Variants in TBC1D9 observed in about 807,000 individuals in gnomAD.
TBC1D9 encodes the protein TBC1 domain family member 9.
TBC1D9 carries 63 observed loss-of-function variants against 132.0 expected under a neutral mutation model. That is an observed-to-expected ratio of 0.48 (90% CI 0.39 to 0.59). The LOEUF (loss-of-function observed/expected upper bound fraction) is 0.59. Among genes scored for constraint, TBC1D9 ranks in the 20% least tolerant of loss-of-function variants. TBC1D9 has a pLI of 0.00. For synonymous variants in TBC1D9, 610 were observed against 609.9 expected, an observed-to-expected ratio of 1.00 and a Z score of 0.00; for missense variants, 1,261 against 1,592.7, an observed-to-expected ratio of 0.79 and a Z score of 3.54.
chr4:140,627,549 G>A (rs2110964838), intron 17 of TBC1D9, 22 bp from the exon 18 acceptor site: 1 of 1,443,972 alleles, frequency 6.9e-7, no homozygotes, highest in East Asian at 2.3e-5. Context: ...AGGAAACATA[G>A]TTCTCATATT....
intron 2 of TBC1D9, among the ~76,000 whole-genome samples, chr4:140,688,990 T>A (rs1027642661): frequency 2.6e-5 from 4 of 151,974 alleles, no homozygotes; most frequent in Admixed American, 6.6e-5. Context: ...CTGTGCAGAA[T>A]AAATGCCAGC....
intron 5 of TBC1D9, among the ~76,000 whole-genome samples, chr4:140,678,610 C>T (rs1456950193): frequency 1.3e-5 from 2 of 152,146 alleles, no homozygotes; most frequent in South Asian, 2.1e-4. Flanking sequence ...CTTCTATCAC[C>T]TCTTCAGAGC....
intron 2 of TBC1D9, among the ~76,000 whole-genome samples, chr4:140,698,576 C>T (rs940334411): frequency 6.6e-5 from 10 of 151,984 alleles, no homozygotes; most frequent in Middle Eastern, 3.2e-3. Flanking sequence ...GGTAAAACCC[C>T]GTCTCTACTA....
chr4:140,640,286 G>T (rs963795008), intron 13 of TBC1D9, among the ~76,000 whole-genome samples: 11 of 152,060 alleles, frequency 7.2e-5, no homozygotes, highest in African/African-American at 2.7e-4. Flanking sequence ...GGAAGAAAGG[G>T]GAAAGGGAAA....
intron 13 of TBC1D9, chr4:140,643,150 T>A (rs1737035972): frequency 6.9e-7 from 1 of 1,439,772 alleles, no homozygotes; most frequent in Middle Eastern, 2.1e-4. Flanking sequence ...AGCACCTCCC[T>A]CAGCATGTGG....
Position 140,701,619 on chromosome 4 carries a change from G to A in TBC1D9, c.131-5C>T, listed in dbSNP as rs1444081096. On this transcript the variant is annotated splice_region_variant and splice_polypyrimidine_tract_variant and intron_variant, in intron 1 of 20. Coordinates refer to ENST00000442267, the MANE Select transcript of TBC1D9 (RefSeq NM_015130.3). ...CAAGGGTACCCACCAGCAGGCCTGA[G>A]GGTGGAAAGTGGGGAGAAACAGGTA... 1 of 1,612,624 alleles carries A rather than the reference G, an allele frequency of 6.2e-7. No individual in the cohort carries two copies. The highest frequency in any genetic ancestry group is 8.5e-7 in the Non-Finnish European group (1 of 1,178,728).
intron 1 of TBC1D9, among the ~76,000 whole-genome samples, chr4:140,737,627 T>C (rs1738695511): frequency 6.6e-6 from 1 of 152,210 alleles, no homozygotes; most frequent in African/African-American, 2.4e-5. Flanking sequence ...CAGACAGTGA[T>C]ACATTCCTAT....
intron 6 of TBC1D9, among the ~76,000 whole-genome samples, chr4:140,676,231 G>T (rs1737620277): frequency 6.6e-6 from 1 of 152,168 alleles, no homozygotes. Context: ...TCTGACCATG[G>T]TGCTTCCACG....
intron 2 of TBC1D9, among the ~76,000 whole-genome samples, chr4:140,687,810 G>A (rs904818175): frequency 4.6e-5 from 7 of 152,166 alleles, no homozygotes; most frequent in Non-Finnish European, 8.8e-5. Context: ...TATCAGCTGA[G>A]TGCAGTGGCT....
intron 9 of TBC1D9, among the ~76,000 whole-genome samples, chr4:140,667,490 C>G (rs1269614835): frequency 6.6e-6 from 1 of 152,196 alleles, no homozygotes; most frequent in East Asian, 1.9e-4. Context: ...GTTCACTAAA[C>G]ACAGGGAAGA....
intron 13 of TBC1D9, chr4:140,643,804 T>C: frequency 1.2e-6 from 1 of 800,704 alleles, no homozygotes; most frequent in Non-Finnish European, 2.0e-6. Flanking sequence ...CCCTGCCCGG[T>C]GGCACTCAGC....
At chr4:140,731,533 A>T (rs1022514903) in intron 1 of TBC1D9, among the ~76,000 whole-genome samples, 5 of 152,198 alleles carry the variant, frequency 3.3e-5, no homozygotes, top group African/African-American at 1.2e-4. Context: ...CTCTATAAAA[A>T]TAAAATAAAG....
At chr4:140,741,907 C>T (rs1383533280) in intron 1 of TBC1D9, among the ~76,000 whole-genome samples, 1 of 152,168 alleles carries the variant, frequency 6.6e-6, no homozygotes, top group Non-Finnish European at 1.5e-5. Flanking sequence ...ATCAGAAAAT[C>T]TTTGAATCCA....
chr4:140,699,242 T>G (rs926283022), intron 2 of TBC1D9, among the ~76,000 whole-genome samples: 9 of 152,070 alleles, frequency 5.9e-5, no homozygotes, highest in Non-Finnish European at 1.0e-4. Flanking sequence ...AAAAGATAAA[T>G]TTACTGTGCA....
At chr4:140,688,585 C>T (rs989989383) in intron 2 of TBC1D9, among the ~76,000 whole-genome samples, 1 of 152,080 alleles carries the variant, frequency 6.6e-6, no homozygotes, top group Non-Finnish European at 1.5e-5. Context: ...GGGAGGATAG[C>T]TCGAACCCAA....
intron 13 of TBC1D9, chr4:140,642,571 C>T: frequency 2.0e-6 from 2 of 988,822 alleles, no homozygotes; most frequent in South Asian, 1.4e-5. Flanking sequence ...GCTTGCTTGC[C>T]AACTGCTCCT....
At chr4:140,635,256 T>C (rs1479386558) in intron 15 of TBC1D9, among the ~76,000 whole-genome samples, 1 of 151,776 alleles carries the variant, frequency 6.6e-6, no homozygotes, top group Non-Finnish European at 1.5e-5. Context: ...GGCGAGAGGA[T>C]CGCCTGAGCC....
Position 140,670,757 on chromosome 4 carries a change from T to C in TBC1D9, c.1229A>G (p.Lys410Arg). The C allele has an allele frequency of 6.2e-7, 1 of 1,613,960 alleles. No homozygotes were observed. The highest frequency in any genetic ancestry group is 8.5e-7 in the Non-Finnish European group (1 of 1,179,882). Residue 410 changes from lysine (K) to arginine (R), a missense_variant, in exon 7 of 21, where the codon AAG (lysine) becomes AGG (arginine). Transcript: ENST00000442267. ...ACTGTTGTAACTTCCTGCAAACTCC[T>C]TGTCAGAATATATTTTGGAAGTAGT... Reference protein sequence around the residue: ...QQTTSKIYSDKEFAGSYNSSD... With the variant: ...QQTTSKIYSDREFAGSYNSSD...
chr4:140,645,546 A>T, intron 13 of TBC1D9: 2 of 304,906 alleles, frequency 6.6e-6, no homozygotes, highest in East Asian at 2.1e-4. Context: ...ACATCTCCGC[A>T]CTTCCTCCAG....
Sources: allele counts gnomAD v4.1 joint callset (sites outside exome capture counted in the v4.1 genomes callset), GRCh38; gene constraint gnomAD v4.1.1; transcripts MANE v1.5; gene names NCBI Gene and HGNC (gene_info 2026-07-23, HGNC 2026-07-21).